The following TET3 variants were observed in gnomAD, a reference collection of about 807,000 sequenced individuals.
TET3 encodes tet methylcytosine dioxygenase 3.
TET3 carries 19 observed loss-of-function variants against 141.4 expected under a neutral mutation model. The observed-to-expected ratio is 0.13, with a 90% CI of 0.09 to 0.20. TET3 has a LOEUF of 0.20. TET3 is among the 10% of genes least tolerant of loss of function. The pLI is 1.00. For synonymous variants in TET3, 1,043 were observed against 980.9 expected (o/e 1.06, Z -1.18); for missense variants, 1,874 against 2,356.9 (o/e 0.80, Z 4.24).
At chr2:74,132,442 C>T in the TET3 span, among the ~76,000 whole-genome samples, 1 of 152,234 alleles carries the variant, frequency 6.6e-6, no homozygotes, top group Non-Finnish European at 1.5e-5. Context: ...AGGCTGAGTG[C>T]AATGACACAA....
intron 4 of TET3, among the ~76,000 whole-genome samples, chr2:74,061,601 C>G (rs1688575795): frequency 6.7e-6 from 1 of 149,612 alleles, no homozygotes; most frequent in South Asian, 2.1e-4. Flanking sequence ...GGGGCTGACC[C>G]CCCCCACCTC....
At chr2:74,123,191 A>G in the TET3 span, 1 of 152,256 alleles carries the variant, frequency 6.6e-6, no homozygotes, top group African/African-American at 2.4e-5. Context: ...TACTTTGTCA[A>G]CATTGATTTG....
intron 3 of TET3, among the ~76,000 whole-genome samples, chr2:74,040,258 T>C (rs1687275386): frequency 6.6e-6 from 1 of 151,636 alleles, no homozygotes; most frequent in South Asian, 2.1e-4. Flanking sequence ...CACATATGTG[T>C]GGTCAGGGAG....
At chr2:74,126,686 G>A in the TET3 span, among the ~76,000 whole-genome samples, 3 of 151,834 alleles carry the variant, frequency 2.0e-5, no homozygotes, top group Non-Finnish European at 2.9e-5. Context: ...TATTTTTTCA[G>A]TAGAGACGGG....
intron 3 of TET3, among the ~76,000 whole-genome samples, chr2:74,030,518 T>C (rs575319386): frequency 1.3e-5 from 2 of 152,366 alleles, no homozygotes; most frequent in South Asian, 4.1e-4. Flanking sequence ...CTCAAGTTTC[T>C]AGGAATAGCA....
the TET3 span, among the ~76,000 whole-genome samples, chr2:74,113,871 A>C: frequency 0.02 from 3,018 of 152,072 alleles, 107 homozygotes; most frequent in African/African-American, 0.069. Context: ...TAACATAATA[A>C]TACTACCCAA....
At chr2:74,127,217 T>C in the TET3 span, among the ~76,000 whole-genome samples, 1 of 152,214 alleles carries the variant, frequency 6.6e-6, no homozygotes, top group Admixed American at 6.5e-5. Flanking sequence ...ATGACCTCTG[T>C]TTCAAGGTTC....
At chr2:74,052,556 CAAAA>C (rs70965779) in intron 4 of TET3, among the ~76,000 whole-genome samples, 9 of 92,392 alleles carry the variant, frequency 9.7e-5, no homozygotes, top group South Asian at 3.8e-4. Context: ...TTCCTATAGC[CAAAA>C]AAAAAAAAAA....
At chr2:73,989,837 A>G (rs1450167341) in intron 2 of TET3, among the ~76,000 whole-genome samples, 1 of 152,156 alleles carries the variant, frequency 6.6e-6, no homozygotes, top group Non-Finnish European at 1.5e-5. Context: ...CACAGTGGAT[A>G]GGGCTGAGAA....
chr2:74,049,438 C>A (rs1371366858), intron 4 of TET3, among the ~76,000 whole-genome samples: 1 of 152,092 alleles, frequency 6.6e-6, no homozygotes, highest in East Asian at 1.9e-4. Flanking sequence ...CACTGAGGAC[C>A]ACTCCCCAAT....
At chr2:74,120,221 C>T in the TET3 span, among the ~76,000 whole-genome samples, 2 of 152,250 alleles carry the variant, frequency 1.3e-5, no homozygotes, top group Admixed American at 1.3e-4. Context: ...CCCCGCCCGC[C>T]CAACCCCGGA....
At chr2:73,983,939 T>G (rs1683872683), upstream of TET3, among the ~76,000 whole-genome samples, 1 of 152,256 alleles carries the variant, frequency 6.6e-6, no homozygotes, top group South Asian at 2.1e-4. Flanking sequence ...TGAATTAATC[T>G]AACCTGGAAT....
In TET3 at chr2:74,096,540, G is replaced by A. The variant is rs188351660; in HGVS notation, c.3268-2736G>A. The stretch of plus-strand genomic sequence containing the variant: ...CCAGCACTTTGGGAGGCTGAGATGG[G>A]TGGATCACCTGAGGTCAGGAGTTTG... On this transcript the variant is annotated intron_variant, in intron 10 of 11. Transcript: ENST00000409262. Among the ~76,000 whole-genome samples the A allele has an allele frequency of 4.6e-3, 696 of 152,198 alleles. 11 individuals are homozygous for A. Among genetic ancestry groups the A allele is most frequent in the African/African-American group, 0.016 (672 of 41,504 alleles).
chr2:74,044,466 G>A (rs746862241), intron 3 of TET3, among the ~76,000 whole-genome samples: 6 of 151,944 alleles, frequency 3.9e-5, no homozygotes, highest in African/African-American at 7.3e-5. Flanking sequence ...ACTGAGTTAC[G>A]TCCCAATAAA....
chr2:74,135,347 G>C, the TET3 span: 1 of 627,958 alleles, frequency 1.6e-6, no homozygotes. Flanking sequence ...GGACAGAACT[G>C]TCTAAAGACA....
chr2:74,050,532 T>C (rs117833369), intron 4 of TET3, among the ~76,000 whole-genome samples: 2 of 152,318 alleles, frequency 1.3e-5, no homozygotes, highest in East Asian at 3.9e-4. Context: ...AAATGGTTCA[T>C]CACTGAAGGA....
chr2:74,095,473 TC>T (rs530878792), intron 10 of TET3, among the ~76,000 whole-genome samples: 51 of 152,332 alleles, frequency 3.3e-4, no homozygotes, highest in African/African-American at 1.2e-3. Context: ...TATTGTTTTT[TC>T]CTAAACAAGA....
At position 74,093,150 on chromosome 2, in the gene TET3, C is replaced by CT. The variant is rs967102580; in HGVS notation, c.3129+165dup. ...TGATGTGGTTCTTTGATAAAAACCCCTTTTTTACACCAGGCTACCTGCATC... is the reference window on the plus strand; with the variant it reads ...TGATGTGGTTCTTTGATAAAAACCCCTTTTTTTACACCAGGCTACCTGCATC... On this transcript the variant is annotated intron_variant, in intron 9 of 11. Transcript: ENST00000409262. The surrounding 1 kb of genome is among the most constrained non-coding windows in gnomAD (Gnocchi z 4.2). 6.6e-6 allele frequency among the ~76,000 whole-genome samples: 1 copy of CT among 152,070 alleles called. No individual in the cohort carries two copies. The highest frequency in any genetic ancestry group is 1.5e-5 in the Non-Finnish European group (1 of 68,026).
At chr2:74,041,953 T>C (rs961285093) in intron 3 of TET3, among the ~76,000 whole-genome samples, 6 of 152,394 alleles carry the variant, frequency 3.9e-5, no homozygotes, top group Admixed American at 2.0e-4. Context: ...CACCTGGTTC[T>C]GTCACTCAAC....
Sources: gnomAD v4.1 joint callset for allele counts (sites outside exome capture counted in the v4.1 genomes callset) on GRCh38, gnomAD v4.1.1 for gene constraint, Gnocchi (gnomAD v3.1) non-coding constraint, MANE v1.5 for transcripts, NCBI Gene and HGNC (gene_info 2026-07-23, HGNC 2026-07-21) for gene names.